SYCP2: variants seen among roughly 807,000 people sequenced by gnomAD.
The protein encoded by SYCP2 is synaptonemal complex lateral element protein.
SYCP2 carries 55 observed loss-of-function variants against 211.3 expected under a neutral mutation model. The observed-to-expected ratio is 0.26, with a 90% CI of 0.21 to 0.33. The LOEUF (loss-of-function observed/expected upper bound fraction) is 0.33, where lower values mean the gene tolerates loss of function less well. Ranked by LOEUF, SYCP2 falls within the 10% of genes least tolerant of loss-of-function variation. SYCP2 has a pLI of 1.00. For synonymous variants in SYCP2, 570 were observed against 555.2 expected (o/e 1.03, Z -0.37); for missense variants, 1,731 against 1,752.0 (o/e 0.99, Z 0.21).
chr20:59,914,010 G>C lies in SYCP2; in HGVS notation c.795C>G (p.Leu265=). The change falls in exon 12 of 45, where the codon CTC becomes CTG. Residue 265 remains leucine (L), a synonymous_variant. Coordinates refer to ENST00000357552, the MANE Select transcript of SYCP2 (RefSeq NM_014258.4). ...SEFETDCRIF[L]NLVNGMLGDK... ...CTCCAAGCATGCCATTTACAAGGTT[G>C]AGAAATATCCTGCAATCCTAATTTT... The C allele has an allele frequency of 6.3e-7, 1 of 1,599,170 alleles. No individual in the cohort carries two copies. The highest frequency in any genetic ancestry group is 8.5e-7 in the Non-Finnish European group (1 of 1,173,284).
intron 26 of SYCP2, among the ~76,000 whole-genome samples, chr20:59,883,937 A>G (rs1239106731): frequency 6.6e-6 from 1 of 152,088 alleles, no homozygotes; most frequent in Non-Finnish European, 1.5e-5. Context: ...AGCTGAATAC[A>G]TTAATTTGAT....
chr20:59,866,987 T>C (rs796453102), intron 39 of SYCP2, among the ~76,000 whole-genome samples: 104 of 142,172 alleles, frequency 7.3e-4, no homozygotes, highest in African/African-American at 2.6e-3. Flanking sequence ...TCAAAGCTTC[T>C]CTATTCAGAT....
intron 33 of SYCP2, among the ~76,000 whole-genome samples, chr20:59,877,069 G>C (rs888025732): frequency 5.9e-5 from 9 of 152,118 alleles, no homozygotes; most frequent in Non-Finnish European, 1.3e-4. Flanking sequence ...TCACTCAACA[G>C]ACACACAGCT....
intron 30 of SYCP2, 51 bp from the exon 31 acceptor site, chr20:59,880,522 C>A: frequency 8.9e-7 from 1 of 1,118,566 alleles, no homozygotes; most frequent in South Asian, 1.8e-5. Flanking sequence ...CTCATTATGT[C>A]ATGCAAGGTA....
chr20:59,928,606 G>A (rs1444121044), intron 2 of SYCP2, among the ~76,000 whole-genome samples: 1 of 152,072 alleles, frequency 6.6e-6, no homozygotes, highest in African/African-American at 2.4e-5. Flanking sequence ...TATAAACAGT[G>A]AAGTATTAAG....
intron 6 of SYCP2, 33 bp from the exon 7 acceptor site, chr20:59,919,215 G>A: frequency 9.4e-7 from 1 of 1,068,850 alleles, no homozygotes; most frequent in Non-Finnish European, 1.4e-6. Flanking sequence ...TAATTTACAA[G>A]TTACTATATA....
At chr20:59,886,016 A>T in intron 25 of SYCP2, 52 bp from the exon 26 acceptor site, 1 of 1,333,024 alleles carries the variant, frequency 7.5e-7, no homozygotes, top group Non-Finnish European at 1.1e-6. Context: ...TATCAATATC[A>T]TAAAAGTCAT....
At chr20:59,865,316 A>G (rs918710482) in intron 44 of SYCP2, 72 bp downstream of exon 44, 26 of 1,201,094 alleles carry the variant, frequency 2.2e-5, no homozygotes, top group Non-Finnish European at 3.1e-5. Flanking sequence ...ACATAAAAGC[A>G]CACACACAAA....
At chr20:59,895,164 T>C (rs2059982953) in intron 20 of SYCP2, among the ~76,000 whole-genome samples, 1 of 152,108 alleles carries the variant, frequency 6.6e-6, no homozygotes, top group African/African-American at 2.4e-5. Context: ...CCAATTTGTA[T>C]AATCAACTAA....
rs2059388626 is a variant in SYCP2, at chr20:59,868,299, C to T, written c.3988+114G>A. The T allele has an allele frequency of 4.6e-6, 5 of 1,076,958 alleles. No homozygotes were observed. The South Asian group carries it at 7.6e-5, about 16-fold the overall frequency. 66.7% of individuals were successfully genotyped at this position (1,076,958 alleles called of 1,614,324 possible). On this transcript the variant is annotated intron_variant, in intron 38 of 44. Transcript: ENST00000357552. ...AACTTTGCAATAAAGCATCATCCAT[C>T]TTGGACATATCCAAAGTTGTCTTTA...
Position 59,914,149 on chromosome 20 carries a change from G to C in SYCP2, c.737C>G (p.Ala246Gly). ...AHQWFSMDFI[A>G]KAFKRIKDSE... The stretch of plus-strand genomic sequence containing the variant: ...GTCCTTAATTCTTTTAAATGCCTTA[G>C]CAATAAAATCCATTGAAAACCACTG... Residue 246 changes from alanine to glycine, a missense_variant, in exon 11 of 45, where the codon GCT (alanine) becomes GGT (glycine). By Grantham distance (60) the Ala-to-Gly change is moderately conservative. Coordinates refer to ENST00000357552, the MANE Select transcript of SYCP2 (RefSeq NM_014258.4). The C allele has an allele frequency of 6.2e-7, 1 of 1,604,436 alleles. No homozygotes were observed. Among genetic ancestry groups the C allele is most frequent in the South Asian group, 1.1e-5 (1 of 89,376 alleles).
At chr20:59,899,198 G>C (rs2060069198) in intron 18 of SYCP2, among the ~76,000 whole-genome samples, 1 of 152,114 alleles carries the variant, frequency 6.6e-6, no homozygotes, top group Non-Finnish European at 1.5e-5. Flanking sequence ...GTGAGACACA[G>C]ATACTATGAA....
In SYCP2 at chr20:59,914,237, C is replaced by G; in HGVS notation, c.649G>C (p.Val217Leu). 1 of 1,574,710 alleles carries G rather than the reference C, an allele frequency of 6.4e-7. No homozygotes were observed. The highest frequency in any genetic ancestry group is 1.2e-5 in the South Asian group (1 of 84,952). The change falls in exon 11 of 45, where the codon GTA becomes CTA. Residue 217 changes from valine to leucine, a missense_variant. This residue lies in a region of SYCP2 where 335 missense variants were observed against 378.8 expected (regional missense o/e 0.88). Coordinates refer to ENST00000357552, the MANE Select transcript of SYCP2 (RefSeq NM_014258.4). ...ILDAGDYDLQVGIVEALCRMT... is the reference protein window; with the variant it reads ...ILDAGDYDLQLGIVEALCRMT... The stretch of plus-strand genomic sequence containing the variant: ...CTACACAAAGCTTCTACAATGCCTA[C>G]CTGTAAGTCATAATCTATTAAAAAA...
chr20:59,912,167 T>A, intron 13 of SYCP2: 1 of 430,172 alleles, frequency 2.3e-6, no homozygotes, highest in Non-Finnish European at 4.2e-6. Context: ...GACTACAGCC[T>A]TTATTTTTCA....
In SYCP2 at chr20:59,866,401, G is replaced by A. The variant is rs980894258; in HGVS notation, c.4221-9C>T. ...TATCAAGTTTTTTAATCCTATTACA[G>A]AAACAAAATGAGATTAATTTTAAAA... On this transcript the variant is annotated splice_polypyrimidine_tract_variant and intron_variant, in intron 40 of 44. Transcript: ENST00000357552. 2.6e-6 allele frequency: 4 copies of A among 1,561,802 alleles called. No individual in the cohort carries two copies. Among genetic ancestry groups the A allele is most frequent in the Non-Finnish European group, 2.6e-6 (3 of 1,146,478 alleles).
intron 14 of SYCP2, among the ~76,000 whole-genome samples, chr20:59,910,371 C>CTTTTTT (rs1300245848): frequency 1.1e-4 from 13 of 119,208 alleles, no homozygotes; most frequent in African/African-American, 3.6e-4. Context: ...AGTGTAATTG[C>CTTTTTT]TTATTTTTTT....
chr20:59,916,711 AG>A, intron 7 of SYCP2, 140 bp from the exon 8 acceptor site: 1 of 570,478 alleles, frequency 1.8e-6, no homozygotes, highest in Non-Finnish European at 3.1e-6. Flanking sequence ...AGGCCCAGAT[AG>A]GTAGACTGCT....
At chr20:59,900,044 T>C in intron 18 of SYCP2, 94 bp downstream of exon 18, 1 of 1,299,628 alleles carries the variant, frequency 7.7e-7, no homozygotes, top group Non-Finnish European at 1.1e-6. Context: ...AGGCCAATAA[T>C]ATATAAATTC....
intron 39 of SYCP2, among the ~76,000 whole-genome samples, 185 bp from the exon 40 acceptor site, chr20:59,866,774 T>TA (rs147551374): frequency 0.021 from 3,243 of 151,898 alleles, 55 homozygotes; most frequent in Middle Eastern, 0.041. Context: ...TGAACTTATT[T>TA]AACTCCATCA....
Sources: allele counts gnomAD v4.1 joint callset (sites outside exome capture counted in the v4.1 genomes callset), GRCh38; gene constraint gnomAD v4.1.1; regional missense constraint gnomAD v4.1.1; transcripts MANE v1.5; gene names NCBI Gene and HGNC (gene_info 2026-07-23, HGNC 2026-07-21).